Variants in PGM2L1 observed in about 807,000 individuals in gnomAD.
PGM2L1 encodes glucose 1,6-bisphosphate synthase.
PGM2L1 carries 35 observed loss-of-function variants against 73.4 expected under a neutral mutation model. That is an observed-to-expected ratio of 0.48 (90% CI 0.36 to 0.63). PGM2L1 has a LOEUF of 0.63. Ranked by LOEUF, PGM2L1 falls within the 30% of genes least tolerant of loss-of-function variation. The pLI is 0.00. For missense variants in PGM2L1, 570 were observed against 742.0 expected (o/e 0.77, Z 2.69); for synonymous variants, 225 against 253.8 (o/e 0.89, Z 1.08).
intron 1 of PGM2L1, among the ~76,000 whole-genome samples, chr11:74,379,073 G>C (rs1175430110): frequency 6.6e-6 from 1 of 152,198 alleles, no homozygotes; most frequent in Non-Finnish European, 1.5e-5. Context: ...GAATACTTGA[G>C]GCTGGGTAAT....
chr11:74,377,928 G>C (rs1591187115), intron 1 of PGM2L1, among the ~76,000 whole-genome samples: 2 of 151,958 alleles, frequency 1.3e-5, no homozygotes, highest in Non-Finnish European at 2.9e-5. Flanking sequence ...TGATTACTTG[G>C]GGGTAGAAGC....
intron 1 of PGM2L1, among the ~76,000 whole-genome samples, chr11:74,377,180 G>C (rs1010837562): frequency 1.3e-5 from 2 of 151,018 alleles, no homozygotes; most frequent in Non-Finnish European, 1.5e-5. Flanking sequence ...TGTCACCCAG[G>C]CTGGAGAGCA....
chr11:74,380,733 A>G (rs1417091501), intron 1 of PGM2L1, among the ~76,000 whole-genome samples: 1 of 152,216 alleles, frequency 6.6e-6, no homozygotes, highest in African/African-American at 2.4e-5. Context: ...TTACTGTTCA[A>G]TGACATAGTC....
intron 6 of PGM2L1, among the ~76,000 whole-genome samples, chr11:74,350,899 GAGAGAGAGAGAGAGAGAGAA>G (rs1233048969): frequency 1.2e-4 from 4 of 32,034 alleles, no homozygotes; most frequent in African/African-American, 1.9e-4. Flanking sequence ...AAGAAAGAAA[GAGAGAGAGAGAGAGAGAGAA>G]AGAGAGAGAG....
intron 5 of PGM2L1, among the ~76,000 whole-genome samples, chr11:74,357,289 A>T (rs1334434581): frequency 6.6e-6 from 1 of 152,254 alleles, no homozygotes; most frequent in Admixed American, 6.5e-5. Flanking sequence ...AGACTGGGAG[A>T]AATATTTGCG....
At chr11:74,359,564 CATAT>C (rs56089033) in intron 5 of PGM2L1, among the ~76,000 whole-genome samples, 22 of 149,936 alleles carry the variant, frequency 1.5e-4, no homozygotes, top group East Asian at 1.4e-3. Flanking sequence ...CACGTACATA[CATAT>C]ATATATATAT....
rs755039764 is a variant in PGM2L1 at position 74,398,091 on chromosome 11, T to A, written c.71A>T (p.Gln24Leu). 1 of 1,612,818 alleles carries A rather than the reference T, an allele frequency of 6.2e-7. No homozygotes were observed. Among genetic ancestry groups the A allele is most frequent in the Admixed American group, 1.7e-5 (1 of 59,938 alleles). ...LHAPYHTGDP[Q>L]LDTAIGQWLR... is the part of the protein sequence containing the mutation. The stretch of plus-strand genomic sequence containing the variant: ...CCACTGCCCGATGGCCGTGTCCAGC[T>A]GAGGGTCCCCGGTGTGGTAGGGGGC... The change falls in exon 1 of 14, where the codon CAG becomes CTG. Residue 24 changes from glutamine to leucine, a missense_variant. By Grantham distance (113) the Gln-to-Leu change is moderately radical (BLOSUM62 -2). Transcript: ENST00000298198.
rs60883108 is a variant in PGM2L1 at position 74,395,549 on chromosome 11, C to CTTTTTTTTTTTTTTTTTTTTTT, written c.111+2480_111+2501dup. ...TACAGGCACGTGACACCTCGCCTGG[C>CTTTTTTTTTTTTTTTTTTTTTT]TTTTTTTTTTTTTTTTTTTTTTTTT... On this transcript the variant is annotated intron_variant, in intron 1 of 13. Coordinates refer to ENST00000298198, the MANE Select transcript of PGM2L1 (RefSeq NM_173582.6). Among the ~76,000 whole-genome samples the CTTTTTTTTTTTTTTTTTTTTTT allele has an allele frequency of 7.7e-5, 5 of 64,918 alleles. 2 individuals are homozygous for CTTTTTTTTTTTTTTTTTTTTTT. Among genetic ancestry groups the CTTTTTTTTTTTTTTTTTTTTTT allele is most frequent in the East Asian group, 1.4e-3 (2 of 1,474 alleles). The allele number at this position is 64,918 out of a possible 152,430, so 42.6% of individuals were successfully genotyped here. A position where few individuals can be genotyped will look rare whatever the true frequency, so the allele number is the denominator to read the frequency against.
intron 9 of PGM2L1, among the ~76,000 whole-genome samples, chr11:74,343,769 C>CTTTTTTT (rs56938172): frequency 3.8e-5 from 3 of 79,116 alleles, no homozygotes; most frequent in African/African-American, 1.0e-4. Context: ...TTTACATTAT[C>CTTTTTTT]TTTTTTTTTT....
At chr11:74,358,063 A>G (rs948268491) in intron 5 of PGM2L1, among the ~76,000 whole-genome samples, 6 of 152,234 alleles carry the variant, frequency 3.9e-5, no homozygotes, top group African/African-American at 1.4e-4. Flanking sequence ...GAGGCAGTAA[A>G]AATACTCTGT....
In PGM2L1 at chr11:74,333,203, G is replaced by T. The variant is rs942761774; in HGVS notation, c.*3449C>A. ...TTTATTCCCTTAAAAATAAAAAAAAGATTTTGAATAGAAGATATTATGAAG... is the reference window on the plus strand; with the variant it reads ...TTTATTCCCTTAAAAATAAAAAAAATATTTTGAATAGAAGATATTATGAAG... On this transcript the variant is annotated 3_prime_UTR_variant, in exon 14 of 14. Transcript: ENST00000298198. 6.6e-6 allele frequency: 1 copy of T among 151,948 alleles called. No individual in the cohort carries two copies. Among genetic ancestry groups the T allele is most frequent in the Non-Finnish European group, 1.5e-5 (1 of 67,964 alleles). The allele number at this position is 151,948 out of a possible 1,614,324, so 9.4% of individuals were successfully genotyped here.
intron 1 of PGM2L1, among the ~76,000 whole-genome samples, chr11:74,395,552 T>C (rs1863160589): frequency 7.8e-5 from 1 of 12,898 alleles, no homozygotes; most frequent in African/African-American, 2.2e-4. Context: ...CGCCTGGCTT[T>C]TTTTTTTTTT....
chr11:74,384,447 A>C (rs1342656118), intron 1 of PGM2L1, among the ~76,000 whole-genome samples: 1 of 151,970 alleles, frequency 6.6e-6, no homozygotes, highest in Non-Finnish European at 1.5e-5. Context: ...TCTACATTTG[A>C]TAAATATAGG....
chr11:74,378,192 C>T (rs1319909752), intron 1 of PGM2L1, among the ~76,000 whole-genome samples: 2 of 152,030 alleles, frequency 1.3e-5, no homozygotes, highest in Non-Finnish European at 2.9e-5. Context: ...GTCCCAGCTA[C>T]TTGGGAGGCT....
At chr11:74,381,510 C>T (rs1315350780) in intron 1 of PGM2L1, among the ~76,000 whole-genome samples, 1 of 151,332 alleles carries the variant, frequency 6.6e-6, no homozygotes, top group Admixed American at 6.6e-5. Flanking sequence ...TAAATTTTCA[C>T]TGTGTAAGCC....
chr11:74,394,821 G>T (rs1445546948), intron 1 of PGM2L1, among the ~76,000 whole-genome samples: 1 of 151,878 alleles, frequency 6.6e-6, no homozygotes, highest in Admixed American at 6.6e-5. Flanking sequence ...AGTGACCAAC[G>T]CAAGTAGCAA....
At chr11:74,361,317 A>G (rs903518937) in intron 5 of PGM2L1, among the ~76,000 whole-genome samples, 36 of 152,222 alleles carry the variant, frequency 2.4e-4, no homozygotes, top group African/African-American at 8.7e-4. Context: ...GCAAACTCCA[A>G]CAGACCTGCA....
intron 4 of PGM2L1, among the ~76,000 whole-genome samples, chr11:74,370,315 C>T (rs148798766): frequency 2.6e-5 from 4 of 152,214 alleles, no homozygotes; most frequent in Admixed American, 6.5e-5. Flanking sequence ...CCCCACGCTC[C>T]GTGCAAAGCA....
rs185750489 is a variant in PGM2L1 at position 74,393,027 on chromosome 11, T to C, written c.111+5024A>G. 5.9e-3 allele frequency among the ~76,000 whole-genome samples: 893 copies of C among 152,348 alleles called. 5 individuals carry two copies. The highest frequency in any genetic ancestry group is 8.7e-3 in the Non-Finnish European group (589 of 68,036). The stretch of plus-strand genomic sequence containing the variant: ...CCTTTAGCAAGTCACTTTTCTTTTA[T>C]GAGCTTAAGTTTCTTTACTTGCAAA... On this transcript the variant is annotated intron_variant, in intron 1 of 13. Coordinates refer to ENST00000298198, the MANE Select transcript of PGM2L1 (RefSeq NM_173582.6).
Sources: gnomAD v4.1 joint callset for allele counts (sites outside exome capture counted in the v4.1 genomes callset) on GRCh38, gnomAD v4.1.1 for gene constraint, MANE v1.5 for transcripts, NCBI Gene and HGNC (gene_info 2026-07-23, HGNC 2026-07-21) for gene names.